The following MSRB3 variants were observed in gnomAD, a reference collection of about 807,000 sequenced individuals.
MSRB3 encodes the protein methionine sulfoxide reductase B3, also known as methionine-R-sulfoxide reductase B3.
In MSRB3, 13 loss-of-function variants were observed where a neutral mutation model predicts 21.0. That is an observed-to-expected ratio of 0.62 (90% CI 0.40 to 0.98). MSRB3 has a LOEUF of 0.98. Ranked by LOEUF, MSRB3 falls within the 50% of genes least tolerant of loss-of-function variation. The probability of loss-of-function intolerance (pLI) is 0.00; values close to 1 mark genes in which losing one functional copy is unlikely to be tolerated. For missense variants in MSRB3, 199 were observed against 230.3 expected, an observed-to-expected ratio of 0.86 and a Z score of 0.88; for synonymous variants, 87 against 88.6, an observed-to-expected ratio of 0.98 and a Z score of 0.10.
intron 2 of MSRB3, among the ~76,000 whole-genome samples, chr12:65,317,412 T>C (rs1331173097): frequency 2.6e-5 from 4 of 152,176 alleles, no homozygotes; most frequent in Non-Finnish European, 4.4e-5. Flanking sequence ...TAATGGGGTA[T>C]CAAATGACCA....
At chr12:65,369,047 C>T (rs758129654) in intron 5 of MSRB3, 21 bp downstream of exon 5, 13 of 1,521,280 alleles carry the variant, frequency 8.5e-6, no homozygotes, top group South Asian at 1.1e-5. Context: ...ATTAATAATG[C>T]TCTTCTGAAT....
intron 2 of MSRB3, among the ~76,000 whole-genome samples, chr12:65,314,723 C>G (rs1186557428): frequency 6.6e-6 from 1 of 151,706 alleles, no homozygotes; most frequent in East Asian, 1.9e-4. Context: ...TACATAACAC[C>G]TAGTAACAAG....
chr12:65,322,524 G>T (rs1027466769), intron 2 of MSRB3, among the ~76,000 whole-genome samples: 6 of 151,712 alleles, frequency 4.0e-5, no homozygotes, highest in African/African-American at 1.5e-4. Flanking sequence ...GTGTGGTGGT[G>T]GGCGTCTGTA....
chr12:65,282,960 G>A (rs1256530406), intron 1 of MSRB3, among the ~76,000 whole-genome samples: 1 of 152,102 alleles, frequency 6.6e-6, no homozygotes, highest in Non-Finnish European at 1.5e-5. Context: ...AAAATGAATT[G>A]TGAACATTTT....
At chr12:65,364,748 C>T (rs1318001250) in intron 4 of MSRB3, among the ~76,000 whole-genome samples, 1 of 152,054 alleles carries the variant, frequency 6.6e-6, no homozygotes, top group Non-Finnish European at 1.5e-5. Flanking sequence ...TAGAGGAGTA[C>T]TTTGTATCTC....
At chr12:65,293,079 AC>A (rs772781684) in intron 1 of MSRB3, among the ~76,000 whole-genome samples, 4 of 152,200 alleles carry the variant, frequency 2.6e-5, no homozygotes, top group Non-Finnish European at 5.9e-5. Context: ...CACAAGCTGA[AC>A]TTTTTTTGCC....
chr12:65,448,208 T>C (rs889641031), intron 5 of MSRB3, among the ~76,000 whole-genome samples: 13 of 152,326 alleles, frequency 8.5e-5, no homozygotes, highest in African/African-American at 2.9e-4. Flanking sequence ...AATGGTATTA[T>C]CTTAAGCTAC....
intron 5 of MSRB3, among the ~76,000 whole-genome samples, chr12:65,375,693 T>A (rs1364180826): frequency 6.6e-6 from 1 of 152,156 alleles, no homozygotes; most frequent in African/African-American, 2.4e-5. Flanking sequence ...CCTGCCTCAG[T>A]CTTCCACAGC....
Position 65,394,156 on chromosome 12 carries a change from C to T in MSRB3, c.292+25130C>T, listed in dbSNP as rs534494064. ...TGAATTAGATGCTTCTATATGCTTG[C>T]GTATATTTATCAAAGACTTCTTTAT... is the stretch of plus-strand genomic sequence containing the variant. On this transcript the variant is annotated intron_variant, in intron 5 of 6. Transcript: ENST00000308259. Among the ~76,000 whole-genome samples the T allele has an allele frequency of 2.8e-3, 426 of 152,058 alleles. 1 individual carries two copies. The highest frequency in any genetic ancestry group is 1.0e-2 in the South Asian group (48 of 4,812).
At chr12:65,381,781 A>G (rs1220682523) in intron 5 of MSRB3, among the ~76,000 whole-genome samples, 1 of 152,066 alleles carries the variant, frequency 6.6e-6, no homozygotes, top group Admixed American at 6.6e-5. Flanking sequence ...AGTCTTAGTG[A>G]ATTTTGAATA....
intron 5 of MSRB3, chr12:65,419,017 A>C (rs1204353922): frequency 1.4e-6 from 1 of 711,726 alleles, no homozygotes; most frequent in South Asian, 1.5e-5. Flanking sequence ...CTCCATCTGC[A>C]GGGTGTACCA....
chr12:65,329,647 CAAA>C (rs11443001), intron 4 of MSRB3, among the ~76,000 whole-genome samples: 17 of 84,816 alleles, frequency 2.0e-4, no homozygotes, highest in African/African-American at 5.6e-4. Context: ...GATTCCGTCT[CAAA>C]AAAAAAAAAA....
intron 1 of MSRB3, chr12:65,306,930 A>G: frequency 1.0e-6 from 1 of 985,814 alleles, no homozygotes; most frequent in African/African-American, 1.7e-5. Context: ...CGTGGTTGGT[A>G]GGCGCCCAGG....
intron 1 of MSRB3, among the ~76,000 whole-genome samples, chr12:65,300,628 C>G (rs758431279): frequency 2.0e-5 from 3 of 152,198 alleles, no homozygotes; most frequent in Admixed American, 6.5e-5. Flanking sequence ...AGGTAATTCT[C>G]TAAGCTTCAG....
intron 6 of MSRB3, 180 bp downstream of exon 6, chr12:65,454,005 T>G (rs1048237849): frequency 1.3e-5 from 9 of 695,402 alleles, no homozygotes; most frequent in Non-Finnish European, 2.4e-5. Flanking sequence ...AATGTTAAGG[T>G]CGGCATGATA....
intron 5 of MSRB3, among the ~76,000 whole-genome samples, chr12:65,404,625 G>T (rs2136610785): frequency 1.3e-5 from 2 of 152,156 alleles, no homozygotes; most frequent in Middle Eastern, 3.4e-3. Context: ...TGCAAGTCAG[G>T]TTACTGGCAA....
chr12:65,383,545 G>A (rs140926471), intron 5 of MSRB3, among the ~76,000 whole-genome samples: 9 of 151,570 alleles, frequency 5.9e-5, no homozygotes, highest in Non-Finnish European at 1.2e-4. Flanking sequence ...GCTATTTACT[G>A]TTCACAGTAT....
At chr12:65,367,825 G>T (rs1037129949) in intron 4 of MSRB3, among the ~76,000 whole-genome samples, 14 of 152,146 alleles carry the variant, frequency 9.2e-5, no homozygotes, top group Non-Finnish European at 1.5e-4. Context: ...TACGGCAGTG[G>T]TGATTGGTAA....
intron 5 of MSRB3, among the ~76,000 whole-genome samples, chr12:65,414,175 T>C (rs1450780660): frequency 6.6e-6 from 1 of 152,204 alleles, no homozygotes; most frequent in Non-Finnish European, 1.5e-5. Flanking sequence ...GTATGACTTC[T>C]ATCTTTAAAA....
Sources: gnomAD v4.1 joint callset for allele counts (sites outside exome capture counted in the v4.1 genomes callset) on GRCh38, gnomAD v4.1.1 for gene constraint, MANE v1.5 for transcripts, NCBI Gene and HGNC (gene_info 2026-07-23, HGNC 2026-07-21) for gene names.